The following FGGY variants were observed in gnomAD, a reference collection of about 807,000 sequenced individuals.
The protein encoded by FGGY is FGGY carbohydrate kinase domain containing, also known as FGGY carbohydrate kinase domain-containing protein.
Under a neutral mutation model 71.3 loss-of-function variants are expected in FGGY, and 72 were observed. The observed-to-expected ratio is 1.01, with a 90% CI of 0.84 to 1.23. The LOEUF (loss-of-function observed/expected upper bound fraction) is 1.23, where lower values mean the gene tolerates loss of function less well. FGGY is among the 50% of genes most tolerant of loss of function. FGGY has a pLI of 0.00. For missense variants in FGGY, 668 were observed against 682.3 expected, an observed-to-expected ratio of 0.98 and a Z score of 0.23; for synonymous variants, 251 against 250.3, an observed-to-expected ratio of 1.00 and a Z score of -0.02.
intron 5 of FGGY, among the ~76,000 whole-genome samples, chr1:59,427,572 T>A (rs1467176737): frequency 6.6e-6 from 1 of 152,170 alleles, no homozygotes; most frequent in Non-Finnish European, 1.5e-5. Flanking sequence ...TCCAGGAACA[T>A]CTGTAGTCTC....
At chr1:59,588,895 A>T (rs529336838) in intron 8 of FGGY, among the ~76,000 whole-genome samples, 152 of 152,338 alleles carry the variant, frequency 1.0e-3, no homozygotes, top group African/African-American at 3.6e-3. Context: ...CGAGCAATAT[A>T]ACCAGCTAAC....
intron 5 of FGGY, among the ~76,000 whole-genome samples, chr1:59,427,648 G>A (rs546411655): frequency 4.6e-5 from 7 of 152,330 alleles, no homozygotes; most frequent in South Asian, 2.1e-4. Context: ...TGTCACAGAA[G>A]GGGGCCTGTC....
chr1:59,726,011 T>C (rs532386150), intron 14 of FGGY, among the ~76,000 whole-genome samples: 4 of 152,320 alleles, frequency 2.6e-5, no homozygotes, highest in African/African-American at 9.6e-5. Flanking sequence ...TGGGAAAGCA[T>C]CCAGTTTTCC....
chr1:59,713,509 T>C (rs557095365), intron 14 of FGGY, among the ~76,000 whole-genome samples: 2 of 152,236 alleles, frequency 1.3e-5, no homozygotes, highest in African/African-American at 2.4e-5. Flanking sequence ...GGACAGGGTA[T>C]TGAGATTTTA....
intron 5 of FGGY, among the ~76,000 whole-genome samples, chr1:59,435,147 C>A (rs1031860955): frequency 6.6e-6 from 1 of 152,156 alleles, no homozygotes; most frequent in Non-Finnish European, 1.5e-5. Flanking sequence ...CAAATGACAA[C>A]TTGTATTTAA....
intron 6 of FGGY, among the ~76,000 whole-genome samples, chr1:59,479,447 A>C (rs1239230379): frequency 1.3e-5 from 2 of 152,180 alleles, no homozygotes; most frequent in Admixed American, 6.5e-5. Flanking sequence ...CCCAGAGAGA[A>C]GGGAGAATCA....
Position 59,613,457 on chromosome 1 carries a change from A to C in FGGY, c.1011+5547A>C, listed in dbSNP as rs191921330. Reference sequence around the variant, plus strand: ...ATGTTCTTTGAAACCAATGAGAACAAAGACACAACATACCAGAATCTCTGG... The same window carrying C: ...ATGTTCTTTGAAACCAATGAGAACACAGACACAACATACCAGAATCTCTGG... On this transcript the variant is annotated intron_variant, in intron 9 of 15. Coordinates refer to ENST00000303721, the MANE Select transcript of FGGY (RefSeq NM_018291.5). Among the ~76,000 whole-genome samples the C allele has an allele frequency of 4.6e-5, 7 of 152,330 alleles. No individual in the cohort carries two copies. In the East Asian group the frequency reaches 7.7e-4, roughly 17 times the overall value.
chr1:59,463,005 A>T (rs1319900981), intron 6 of FGGY, among the ~76,000 whole-genome samples: 2 of 152,140 alleles, frequency 1.3e-5, no homozygotes, highest in Non-Finnish European at 2.9e-5. Flanking sequence ...AGACACATGC[A>T]CACGTATGTT....
chr1:59,371,114 G>A (rs191569022), intron 4 of FGGY, among the ~76,000 whole-genome samples: 291 of 152,294 alleles, frequency 1.9e-3, no homozygotes, highest in Admixed American at 4.1e-3. Flanking sequence ...AGACTGGCAA[G>A]TTGGATAAAG....
intron 5 of FGGY, among the ~76,000 whole-genome samples, chr1:59,417,558 C>G (rs1371966236): frequency 6.6e-6 from 1 of 152,188 alleles, no homozygotes; most frequent in African/African-American, 2.4e-5. Context: ...TTTGTACATC[C>G]TGGTAGGAAC....
At chr1:59,536,249 GAC>G (rs2095311605) in intron 7 of FGGY, among the ~76,000 whole-genome samples, 1 of 151,986 alleles carries the variant, frequency 6.6e-6, no homozygotes, top group Non-Finnish European at 1.5e-5. Context: ...TAAATTCCTC[GAC>G]ACATACACTT....
At chr1:59,605,519 G>A (rs2096615563) in intron 8 of FGGY, among the ~76,000 whole-genome samples, 1 of 152,166 alleles carries the variant, frequency 6.6e-6, no homozygotes, top group African/African-American at 2.4e-5. Context: ...AGAAGTAAAT[G>A]TATATGTTAA....
intron 11 of FGGY, among the ~76,000 whole-genome samples, chr1:59,647,507 T>C (rs2097106724): frequency 6.6e-6 from 1 of 152,162 alleles, no homozygotes; most frequent in Non-Finnish European, 1.5e-5. Flanking sequence ...AAATCTAGGT[T>C]GGTTCTACTG....
chr1:59,508,354 G>T (rs2094444397), intron 6 of FGGY, among the ~76,000 whole-genome samples: 1 of 152,180 alleles, frequency 6.6e-6, no homozygotes, highest in African/African-American at 2.4e-5. Flanking sequence ...TAGTTCTATT[G>T]TTTCTGAAAT....
At chr1:59,664,083 A>C (rs1558727135) in intron 12 of FGGY, among the ~76,000 whole-genome samples, 1 of 152,228 alleles carries the variant, frequency 6.6e-6, no homozygotes, top group Non-Finnish European at 1.5e-5. Flanking sequence ...GTTTATCCAT[A>C]GCCTGTTCAT....
At chr1:59,413,482 T>C (rs948226534) in intron 5 of FGGY, among the ~76,000 whole-genome samples, 6 of 152,188 alleles carry the variant, frequency 3.9e-5, no homozygotes, top group Admixed American at 3.9e-4. Flanking sequence ...GTCTTGTTTG[T>C]GGGTGAGACA....
At chr1:59,730,307 C>CT (rs35424239) in intron 14 of FGGY, among the ~76,000 whole-genome samples, 186 of 139,188 alleles carry the variant, frequency 1.3e-3, no homozygotes, top group Middle Eastern at 3.7e-3. Flanking sequence ...AGTTTCTTAG[C>CT]TTTTTTTTTT....
At chr1:59,629,044 C>T (rs2096884240) in intron 10 of FGGY, among the ~76,000 whole-genome samples, 1 of 151,928 alleles carries the variant, frequency 6.6e-6, no homozygotes, top group Admixed American at 6.6e-5. Flanking sequence ...TGTTGGGGAA[C>T]ATCACACACC....
At chr1:59,615,620 G>A (rs1376264425) in intron 9 of FGGY, among the ~76,000 whole-genome samples, 9 of 152,064 alleles carry the variant, frequency 5.9e-5, no homozygotes, top group East Asian at 1.9e-4. Flanking sequence ...CAAAAGCAAC[G>A]GCAACAAAAG....
Sources: gnomAD v4.1 joint callset for allele counts (sites outside exome capture counted in the v4.1 genomes callset) on GRCh38, gnomAD v4.1.1 for gene constraint, MANE v1.5 for transcripts, NCBI Gene and HGNC (gene_info 2026-07-23, HGNC 2026-07-21) for gene names.